Variants in FAM120C observed in about 807,000 individuals in gnomAD.
FAM120C encodes constitutive coactivator of PPAR-gamma-like protein 2.
Under a neutral mutation model 71.2 loss-of-function variants are expected in FAM120C, and 14 were observed. The observed-to-expected ratio is 0.20, with a 90% CI of 0.13 to 0.31. The LOEUF is 0.31. Ranked by LOEUF, FAM120C falls within the 10% of genes least tolerant of loss-of-function variation. The pLI is 1.00. For missense variants in FAM120C, 500 were observed against 879.0 expected, an observed-to-expected ratio of 0.57 and a Z score of 5.45; for synonymous variants, 354 against 353.2, an observed-to-expected ratio of 1.00 and a Z score of -0.03.
At position 54,072,952 on chromosome X, in the gene FAM120C, A is replaced by G; in HGVS notation, c.*81T>C. 1 of 1,070,230 alleles carries G rather than the reference A, an allele frequency of 9.3e-7. No individual in the cohort carries two copies. The highest frequency in any genetic ancestry group is 1.2e-6 in the Non-Finnish European group (1 of 802,074). 88.2% of individuals were successfully genotyped at this position (1,070,230 alleles called of 1,213,427 possible). A position where few individuals can be genotyped will look rare whatever the true frequency, so the allele number is the denominator to read the frequency against. ...GGAGAAATCTAGGGTAAGCATTTAT[A>G]TCCTCCTCTAGCTTGGGCCTAAAAT... is the stretch of plus-strand genomic sequence containing the variant. On this transcript the variant is annotated 3_prime_UTR_variant, in exon 16 of 16. Transcript: ENST00000375180.
chrX:54,182,773 T>C lies in FAM120C; in HGVS notation c.426A>G (p.Gln142=), dbSNP rs371852170. Residue 142 remains glutamine, a synonymous_variant, in exon 1 of 16, where the codon CAA becomes CAG. Coordinates refer to ENST00000375180, the MANE Select transcript of FAM120C (RefSeq NM_017848.6). ...ACAAGTAGCCCAGCATGGCGTTCCA[T>C]TGGCCGCCACACACCCAATCCGTCT... ...GYQTDWVCGG[Q]WNAMLGYLSA... is the part of the protein sequence containing the mutation. 1.4e-5 allele frequency: 17 copies of C among 1,207,558 alleles called. No homozygotes were observed. The African/African-American group carries it at 2.4e-4, about 17-fold the overall frequency.
intron 13 of FAM120C, among the ~76,000 whole-genome samples, chrX:54,083,963 G>A (rs1005896537): frequency 3.6e-5 from 4 of 111,195 alleles, no homozygotes; most frequent in Non-Finnish European, 3.8e-5. Context: ...CAAGTGATCT[G>A]CCCACTTTGG....
chrX:54,147,012 A>C (rs1408665850), intron 4 of FAM120C, among the ~76,000 whole-genome samples: 1 of 111,944 alleles, frequency 8.9e-6, no homozygotes, highest in Non-Finnish European at 1.9e-5. Context: ...GTGCAGAACT[A>C]TGTAATTAAA....
At position 54,070,157 on chromosome X, in the gene FAM120C, T is replaced by G. The variant is rs2066703601; in HGVS notation, c.*2876A>C. The G allele has an allele frequency of 8.9e-6, 1 of 111,993 alleles. No individual in the cohort carries two copies. The highest frequency in any genetic ancestry group is 9.6e-5 in the Admixed American group (1 of 10,470). 9.2% of individuals were successfully genotyped at this position (111,993 alleles called of 1,213,427 possible). On this transcript the variant is annotated 3_prime_UTR_variant, in exon 16 of 16. Coordinates refer to ENST00000375180, the MANE Select transcript of FAM120C (RefSeq NM_017848.6). Reference sequence around the variant, plus strand: ...ACCTTAGTTTTCCTGGCTTTTAAGTTGTGTATTTTGTCAGATAAATAAAAA... The same window carrying G: ...ACCTTAGTTTTCCTGGCTTTTAAGTGGTGTATTTTGTCAGATAAATAAAAA...
chrX:54,093,137 TAATA>T (rs1289594877), intron 10 of FAM120C, among the ~76,000 whole-genome samples: 1 of 112,118 alleles, frequency 8.9e-6, no homozygotes, highest in Non-Finnish European at 1.9e-5. Flanking sequence ...GAATAGGTAT[TAATA>T]AATATTTATT....
chrX:54,083,991 T>C (rs897595399), intron 13 of FAM120C, among the ~76,000 whole-genome samples: 1 of 111,096 alleles, frequency 9.0e-6, no homozygotes, highest in African/African-American at 3.3e-5. Flanking sequence ...ACGTGCTGGA[T>C]TACAGGTATG....
In FAM120C at chrX:54,110,011, CTT is replaced by C. The variant is rs782078837; in HGVS notation, c.2312+6532_2312+6533del. On this transcript the variant is annotated intron_variant, in intron 10 of 15. Coordinates refer to ENST00000375180, the MANE Select transcript of FAM120C (RefSeq NM_017848.6). Reference sequence around the variant, plus strand: ...AGTATAAGAAAACGTAGAAAAATATCTTTTTTTTTTTTTTTTTTTTTCTGAGA... The same window carrying C: ...AGTATAAGAAAACGTAGAAAAATATCTTTTTTTTTTTTTTTTTTTCTGAGA... 9.2e-3 allele frequency among the ~76,000 whole-genome samples: 568 copies of C among 61,409 alleles called. 5 individuals are homozygous for C. The highest frequency in any genetic ancestry group is 0.036 in the African/African-American group (560 of 15,447). 53.3% of individuals were successfully genotyped at this position (61,409 alleles called of 115,157 possible).
intron 15 of FAM120C, among the ~76,000 whole-genome samples, chrX:54,079,441 CGAGAGAGA>C (rs201642298): frequency 2.0e-5 from 2 of 100,396 alleles, no homozygotes; most frequent in African/African-American, 3.6e-5. Context: ...GAGACCCTGT[CGAGAGAGA>C]GAGAGAGAGA....
chrX:54,183,199 G>A lies in FAM120C; in HGVS notation c.-1C>T. 9.1e-7 allele frequency: 1 copy of A among 1,098,833 alleles called. No individual in the cohort carries two copies. Among genetic ancestry groups the A allele is most frequent in the Non-Finnish European group, 1.2e-6 (1 of 840,802 alleles). 90.6% of individuals were successfully genotyped at this position (1,098,833 alleles called of 1,213,427 possible). On this transcript the variant is annotated 5_prime_UTR_variant, in exon 1 of 16. Coordinates refer to ENST00000375180, the MANE Select transcript of FAM120C (RefSeq NM_017848.6). ...ACTCTTGGAAGCCCTGGACACCCATGCTTCGTCGGTGGGCAGACGCGATAG... is the reference window on the plus strand; with the variant it reads ...ACTCTTGGAAGCCCTGGACACCCATACTTCGTCGGTGGGCAGACGCGATAG...
intron 13 of FAM120C, among the ~76,000 whole-genome samples, chrX:54,082,070 T>G (rs1203728762): frequency 9.5e-6 from 1 of 104,878 alleles, no homozygotes; most frequent in African/African-American, 3.5e-5. Flanking sequence ...ATAGTCCCAG[T>G]TACCCAGGAA....
chrX:54,090,239 C>CTTTTTT (rs201924234), intron 11 of FAM120C, among the ~76,000 whole-genome samples: 2 of 100,953 alleles, frequency 2.0e-5, no homozygotes, highest in Non-Finnish European at 4.0e-5. Context: ...CCTTGCCCTT[C>CTTTTTT]TTTTTTTTTG....
At chrX:54,167,082 G>A (rs1244949135) in intron 1 of FAM120C, among the ~76,000 whole-genome samples, 3 of 111,802 alleles carry the variant, frequency 2.7e-5, no homozygotes, top group Non-Finnish European at 5.6e-5. Context: ...GTAGGTCTAG[G>A]GTCAGGCTGG....
At chrX:54,128,817 G>A (rs2067042929) in intron 9 of FAM120C, among the ~76,000 whole-genome samples, 1 of 111,645 alleles carries the variant, frequency 9.0e-6, no homozygotes, top group South Asian at 3.7e-4. Context: ...GGATCCCAAG[G>A]CAGAAGGATT....
intron 4 of FAM120C, among the ~76,000 whole-genome samples, chrX:54,141,477 C>CTT (rs1476568878): frequency 9.0e-6 from 1 of 110,744 alleles, no homozygotes; most frequent in Non-Finnish European, 1.9e-5. Context: ...TAGAAGATAA[C>CTT]TTCCTCAACC....
intron 1 of FAM120C, among the ~76,000 whole-genome samples, chrX:54,175,688 T>C (rs1419454087): frequency 9.0e-6 from 1 of 110,851 alleles, no homozygotes; most frequent in Non-Finnish European, 1.9e-5. Context: ...GATATTTTAG[T>C]CAATATAATA....
chrX:54,091,270 G>T, intron 11 of FAM120C, 42 bp downstream of exon 11: 1 of 946,104 alleles, frequency 1.1e-6, no homozygotes. Context: ...AGTGCCATAA[G>T]CTCATAAAAG....
chrX:54,085,940 T>A, intron 12 of FAM120C, 24 bp from the exon 13 acceptor site: 1 of 1,189,764 alleles, frequency 8.4e-7, no homozygotes, highest in Non-Finnish European at 1.1e-6. Context: ...AGAGTAATAA[T>A]AGCAGCTGCC....
chrX:54,099,156 AG>A (rs2066869977), intron 10 of FAM120C, among the ~76,000 whole-genome samples: 1 of 108,489 alleles, frequency 9.2e-6, no homozygotes, highest in South Asian at 4.1e-4. Flanking sequence ...TTGGGACCAC[AG>A]GTGCACAGCT....
chrX:54,166,677 G>T (rs2067261187), intron 1 of FAM120C, among the ~76,000 whole-genome samples: 1 of 111,553 alleles, frequency 9.0e-6, no homozygotes, highest in African/African-American at 3.3e-5. Context: ...TGCATAGTAT[G>T]CTGTTTTTAA....
Sources: allele counts gnomAD v4.1 joint callset (sites outside exome capture counted in the v4.1 genomes callset), GRCh38; gene constraint gnomAD v4.1.1; transcripts MANE v1.5; gene names NCBI Gene and HGNC (gene_info 2026-07-23, HGNC 2026-07-21).